Variants in KAT6A observed in about 807,000 individuals in gnomAD.
KAT6A encodes the protein lysine acetyltransferase 6A.
KAT6A carries 9 observed loss-of-function variants against 198.4 expected under a neutral mutation model. That is an observed-to-expected ratio of 0.05 (90% CI 0.03 to 0.08). The LOEUF (loss-of-function observed/expected upper bound fraction) is 0.08, where lower values mean the gene tolerates loss of function less well. Ranked by LOEUF, KAT6A falls within the 10% of genes least tolerant of loss-of-function variation. The pLI is 1.00. For missense variants in KAT6A, 2,077 were observed against 2,509.9 expected (o/e 0.83, Z 3.69); for synonymous variants, 890 against 883.0 (o/e 1.01, Z -0.14).
At chr8:41,957,123 T>C (rs755555162) in intron 8 of KAT6A, 2 of 603,828 alleles carry the variant, frequency 3.3e-6, no homozygotes, top group South Asian at 1.4e-5. Context: ...ATGCCCGATG[T>C]GAAAGTGGAT....
chr8:41,946,137 C>T (rs1180611879), intron 12 of KAT6A, among the ~76,000 whole-genome samples: 3 of 151,968 alleles, frequency 2.0e-5, no homozygotes, highest in Non-Finnish European at 2.9e-5. Flanking sequence ...GCTCTGTGGC[C>T]CAGGCTAGGG....
At position 42,021,418 on chromosome 8, in the gene KAT6A, T is replaced by A. The variant is rs186842580; in HGVS notation, c.600+26960A>T. 2.0e-5 allele frequency among the ~76,000 whole-genome samples: 3 copies of A among 152,346 alleles called. No homozygotes were observed. The East Asian group carries it at 5.8e-4, about 29-fold the overall frequency. On this transcript the variant is annotated intron_variant, in intron 2 of 16. Coordinates refer to ENST00000265713, the MANE Select transcript of KAT6A (RefSeq NM_006766.5). Reference sequence around the variant, plus strand: ...CACTGCAACAATGACATGATCAGGCTAAACACAATCTTTAAAAAGGTAAGG... The same window carrying A: ...CACTGCAACAATGACATGATCAGGCAAAACACAATCTTTAAAAAGGTAAGG...
chr8:42,022,536 T>G (rs1826597600), intron 2 of KAT6A, among the ~76,000 whole-genome samples: 3 of 152,076 alleles, frequency 2.0e-5, no homozygotes, highest in Admixed American at 6.6e-5. Context: ...TAGTCAAAAG[T>G]GGGTAACGAT....
intron 2 of KAT6A, among the ~76,000 whole-genome samples, chr8:42,004,335 A>T (rs1333289458): frequency 6.6e-6 from 1 of 152,212 alleles, no homozygotes; most frequent in African/African-American, 2.4e-5. Flanking sequence ...TTCAGGAAAA[A>T]AAGAAGTAGG....
At chr8:42,009,110 C>A (rs902062544) in intron 2 of KAT6A, among the ~76,000 whole-genome samples, 2 of 152,070 alleles carry the variant, frequency 1.3e-5, no homozygotes, top group African/African-American at 2.4e-5. Flanking sequence ...TAGTTTAATT[C>A]GTTGCGGAAA....
rs925201894 is a variant in KAT6A at position 41,974,819 on chromosome 8, T to A, written c.1367A>T (p.Asn456Ile). The A allele has an allele frequency of 6.2e-7, 1 of 1,602,778 alleles. No homozygotes were observed. Among genetic ancestry groups the A allele is most frequent in the Non-Finnish European group, 8.5e-7 (1 of 1,171,520 alleles). The change falls in exon 8 of 17, where the codon AAT (asparagine) becomes ATT (isoleucine). Residue 456 changes from asparagine to isoleucine, a missense_variant. Transcript: ENST00000265713. The stretch of plus-strand genomic sequence containing the variant: ...TTGTTTGCCATCCCAGCCATCCTGA[T>A]TGTCTACATATAAAAAAAGAGCTCA... ...KSSTSDWPTD[N>I]QDGWDGKQEN...
At chr8:41,960,365 C>T (rs967466437) in intron 8 of KAT6A, among the ~76,000 whole-genome samples, 14 of 151,870 alleles carry the variant, frequency 9.2e-5, no homozygotes, top group Admixed American at 9.2e-4. Context: ...GGATCACGAT[C>T]GAGACCATCC....
chr8:41,987,499 T>A lies in KAT6A; in HGVS notation c.665A>T (p.Lys222Met), dbSNP rs766999148. ...CLGTKEQNRE[K>M]KPEELISCAD... ...ACAGGAGATGAGTTCCTCTGGCTTC[T>A]TTTCTCGGTTTTGTTCTTTTGTACC... Residue 222 changes from lysine (K) to methionine (M), a missense_variant, in exon 3 of 17, where the codon AAG becomes ATG. By Grantham distance (95) the Lys-to-Met change is moderately conservative (BLOSUM62 -1). Coordinates refer to ENST00000265713, the MANE Select transcript of KAT6A (RefSeq NM_006766.5). The A allele has an allele frequency of 1.9e-6, 3 of 1,613,236 alleles. No homozygotes were observed. Among genetic ancestry groups the A allele is most frequent in the Non-Finnish European group, 2.5e-6 (3 of 1,179,298 alleles).
chr8:41,978,599 C>G (rs1564036042), intron 6 of KAT6A, 43 bp downstream of exon 6: 4 of 1,602,966 alleles, frequency 2.5e-6, no homozygotes, highest in Non-Finnish European at 2.6e-6. Context: ...ATAGAGAAGA[C>G]CCTATCCTTT....
Position 41,934,627 on chromosome 8 carries a change from G to C in KAT6A, c.3593C>G (p.Ala1198Gly). ...VIEPIVSIPK[A>G]GRKPKIQESE... ...CTCCTGGATCTTGGGTTTACGTCCAGCTTTAGGAATGGAAACGATGGGCTC... is the reference window on the plus strand; with the variant it reads ...CTCCTGGATCTTGGGTTTACGTCCACCTTTAGGAATGGAAACGATGGGCTC... The change falls in exon 17 of 17, where the codon GCT becomes GGT. Residue 1198 changes from alanine to glycine, a missense_variant. Transcript: ENST00000265713. 6.2e-7 allele frequency: 1 copy of C among 1,614,092 alleles called. No homozygotes were observed.
In KAT6A at chr8:41,942,869, G is replaced by A. The variant is rs1427094394; in HGVS notation, c.2360C>T (p.Ser787Leu). 6.2e-7 allele frequency: 1 copy of A among 1,613,984 alleles called. No homozygotes were observed. Among genetic ancestry groups the A allele is most frequent in the Admixed American group, 1.7e-5 (1 of 60,000 alleles). ...TPVIVSNSVV[S>L]EEEEEEAEEG... ...CTCAGCCTCCTCTTCTTCCTCCTCT[G>A]AGACCACAGAGTTGGACACTATGAC... The change falls in exon 14 of 17, where the codon TCA becomes TTA. Residue 787 changes from serine (S) to leucine (L), a missense_variant. Physicochemically the swap from Ser to Leu is moderately radical, Grantham distance 145. Coordinates refer to ENST00000265713, the MANE Select transcript of KAT6A (RefSeq NM_006766.5).
chr8:42,049,642 C>T (rs1174283107), intron 1 of KAT6A: 1 of 152,334 alleles, frequency 6.6e-6, no homozygotes, highest in Non-Finnish European at 1.5e-5. Flanking sequence ...TTCAACTCTT[C>T]CTTGACATCT....
chr8:41,950,010 C>T (rs1381251651), intron 9 of KAT6A, among the ~76,000 whole-genome samples: 1 of 152,118 alleles, frequency 6.6e-6, no homozygotes, highest in Admixed American at 6.5e-5. Context: ...CTATGGTATA[C>T]AATATTGTTT....
intron 8 of KAT6A, among the ~76,000 whole-genome samples, chr8:41,960,836 A>T (rs1823170906): frequency 6.6e-6 from 1 of 152,062 alleles, no homozygotes; most frequent in African/African-American, 2.4e-5. Context: ...CGCAGCTTAG[A>T]TTCTAAGGTC....
intron 2 of KAT6A, among the ~76,000 whole-genome samples, chr8:42,021,656 C>A (rs963676385): frequency 5.9e-5 from 9 of 152,168 alleles, no homozygotes; most frequent in African/African-American, 1.9e-4. Flanking sequence ...TTAGACCAGG[C>A]ACAGTGGCAC....
rs1457437393 is a variant in KAT6A, at chr8:41,977,212, T to C, written c.1159A>G (p.Ile387Val). 2.5e-6 allele frequency: 4 copies of C among 1,614,226 alleles called. No individual in the cohort carries two copies. Among genetic ancestry groups the C allele is most frequent in the African/African-American group, 1.3e-5 (1 of 75,060 alleles). The change falls in exon 7 of 17, where the codon ATA becomes GTA. Residue 387 changes from isoleucine to valine, a missense_variant. Transcript: ENST00000265713. ...SSSEEGYLERIDGLDFCRDSN... is the reference protein window; with the variant it reads ...SSSEEGYLERVDGLDFCRDSN... ...TCTCTGCAGAAGTCCAAGCCATCTA[T>C]CCGCTCTAAATATCCTTCTTCTGAT...
intron 8 of KAT6A, chr8:41,957,621 T>A (rs1564022358): frequency 4.5e-6 from 1 of 222,960 alleles, no homozygotes; most frequent in Non-Finnish European, 9.1e-6. Context: ...GCCAAATTAT[T>A]TAAAAGAAGA....
At chr8:42,007,961 CAAAAA>C (rs988491987) in intron 2 of KAT6A, among the ~76,000 whole-genome samples, 1 of 42,902 alleles carries the variant, frequency 2.3e-5, no homozygotes, top group African/African-American at 8.9e-5. Flanking sequence ...GACTCCGTCT[CAAAAA>C]AAAAAAAAAA....
At chr8:41,999,349 T>C (rs1564055020) in intron 2 of KAT6A, among the ~76,000 whole-genome samples, 1 of 152,194 alleles carries the variant, frequency 6.6e-6, no homozygotes, top group Admixed American at 6.5e-5. Context: ...CTGGATGATA[T>C]TTACAAATTA....
Sources: allele counts gnomAD v4.1 joint callset (sites outside exome capture counted in the v4.1 genomes callset), GRCh38; gene constraint gnomAD v4.1.1; transcripts MANE v1.5; gene names NCBI Gene and HGNC (gene_info 2026-07-23, HGNC 2026-07-21).